DGLUCY: variants seen among roughly 807,000 people sequenced by gnomAD.
DGLUCY encodes D-glutamate cyclase, also known as D-glutamate cyclase, mitochondrial.
A neutral mutation model predicts 58.5 loss-of-function variants in DGLUCY; 58 were observed. That is an observed-to-expected ratio of 0.99 (90% CI 0.80 to 1.23). The LOEUF (loss-of-function observed/expected upper bound fraction) is 1.23. Ranked by LOEUF, DGLUCY falls within the 50% of genes most tolerant of loss-of-function variation. The probability of loss-of-function intolerance (pLI) is 0.00; values close to 1 mark genes in which losing one functional copy is unlikely to be tolerated. For synonymous variants in DGLUCY, 325 were observed against 314.1 expected, an observed-to-expected ratio of 1.03 and a Z score of -0.37; for missense variants, 779 against 784.7, an observed-to-expected ratio of 0.99 and a Z score of 0.09.
At chr14:91,112,054 G>A (rs192719751), upstream of DGLUCY, among the ~76,000 whole-genome samples, 313 of 151,542 alleles carry the variant, frequency 2.1e-3, no homozygotes, top group African/African-American at 6.9e-3. Flanking sequence ...CCTGACCAGC[G>A]TGGAGCAACC....
chr14:91,143,009 G>A (rs1461048701), intron 1 of DGLUCY, among the ~76,000 whole-genome samples: 1 of 121,240 alleles, frequency 8.2e-6, no homozygotes, highest in Non-Finnish European at 1.7e-5. Context: ...CAGCCTGGGT[G>A]ACACAGCGAG....
At chr14:91,082,938 G>T (rs2044151708) in intron 1 of DGLUCY, among the ~76,000 whole-genome samples, 1 of 152,046 alleles carries the variant, frequency 6.6e-6, no homozygotes, top group Non-Finnish European at 1.5e-5. Flanking sequence ...AATTTTTTTG[G>T]TAGAGATGGG....
intron 1 of DGLUCY, among the ~76,000 whole-genome samples, chr14:91,119,256 C>T (rs181052563): frequency 1.3e-3 from 198 of 152,276 alleles, no homozygotes; most frequent in African/African-American, 4.3e-3. Context: ...ACATCACCTT[C>T]ACCTTCTGTT....
intron 13 of DGLUCY, among the ~76,000 whole-genome samples, chr14:91,217,314 T>C (rs1595949770): frequency 6.6e-6 from 1 of 152,012 alleles, no homozygotes; most frequent in South Asian, 2.1e-4. Context: ...GCGTGGAAGG[T>C]CTGGGGAGAT....
intron 9 of DGLUCY, among the ~76,000 whole-genome samples, chr14:91,195,251 A>G (rs983839078): frequency 2.6e-5 from 4 of 152,212 alleles, no homozygotes; most frequent in Non-Finnish European, 5.9e-5. Flanking sequence ...ATCTTTGGCC[A>G]GTGACTATGC....
chr14:91,181,965 TTTTATTTATTTA>T (rs375449442), intron 8 of DGLUCY, among the ~76,000 whole-genome samples: 13 of 148,694 alleles, frequency 8.7e-5, no homozygotes, highest in African/African-American at 1.2e-4. Context: ...CTTTATGGCT[TTTTATTTATTTA>T]TTTATTTATT....
chr14:91,197,837 A>T (rs1400849926), intron 10 of DGLUCY, among the ~76,000 whole-genome samples: 1 of 152,224 alleles, frequency 6.6e-6, no homozygotes, highest in Non-Finnish European at 1.5e-5. Flanking sequence ...GCTATGCTGA[A>T]TACTGCTGCT....
At position 91,180,039 on chromosome 14, in the gene DGLUCY, A is replaced by G. The variant is rs145103177; in HGVS notation, c.731-1147A>G. The stretch of plus-strand genomic sequence containing the variant: ...CCCAAGTAGCTGGGATTACAGGCGC[A>G]CCACCAAGCTGGGCTAATTTTTGTA... On this transcript the variant is annotated intron_variant, in intron 7 of 13. Coordinates refer to ENST00000256324, the MANE Select transcript of DGLUCY (RefSeq NM_001102368.3). Among the ~76,000 whole-genome samples the G allele has an allele frequency of 3.2e-3, 474 of 150,342 alleles. 5 individuals are homozygous for G. Among genetic ancestry groups the G allele is most frequent in the African/African-American group, 0.011 (462 of 41,066 alleles).
chr14:91,146,208 G>A (rs2047004130), intron 1 of DGLUCY, among the ~76,000 whole-genome samples: 1 of 152,168 alleles, frequency 6.6e-6, no homozygotes, highest in Non-Finnish European at 1.5e-5. Flanking sequence ...TTTAACCTTC[G>A]AGAGGTTGCC....
upstream of DGLUCY, among the ~76,000 whole-genome samples, chr14:91,110,233 CT>C (rs899528662): frequency 6.6e-5 from 10 of 152,186 alleles, no homozygotes; most frequent in African/African-American, 2.2e-4. Context: ...AAGAAACCAA[CT>C]GTAAATATTA....
intron 13 of DGLUCY, among the ~76,000 whole-genome samples, chr14:91,218,761 T>C (rs1050864823): frequency 6.6e-6 from 1 of 152,122 alleles, no homozygotes; most frequent in African/African-American, 2.4e-5. Flanking sequence ...GCCCCGCCCC[T>C]GGGCCAGGCC....
At chr14:91,219,204 G>T (rs1481828839) in intron 13 of DGLUCY, among the ~76,000 whole-genome samples, 3 of 151,828 alleles carry the variant, frequency 2.0e-5, no homozygotes, top group African/African-American at 4.8e-5. Flanking sequence ...AAAAAATTTT[G>T]AAAAAAGCTT....
At chr14:91,079,062 C>T (rs1816011211) in intron 1 of DGLUCY, among the ~76,000 whole-genome samples, 1 of 151,912 alleles carries the variant, frequency 6.6e-6, no homozygotes, top group Non-Finnish European at 1.5e-5. Flanking sequence ...CGCCACCATG[C>T]CTGGCTCATT....
upstream of DGLUCY, among the ~76,000 whole-genome samples, chr14:91,105,938 A>G (rs552740344): frequency 3.9e-5 from 6 of 152,222 alleles, no homozygotes; most frequent in Non-Finnish European, 5.9e-5. Context: ...ACTGTAAGCA[A>G]TTGTAACACA....
At chr14:91,190,312 G>T (rs1015154806) in intron 9 of DGLUCY, among the ~76,000 whole-genome samples, 1 of 151,920 alleles carries the variant, frequency 6.6e-6, no homozygotes, top group South Asian at 2.1e-4. Flanking sequence ...AGATCCACCC[G>T]TGAGCAAAAC....
chr14:91,199,078 G>T (rs1316683435), intron 10 of DGLUCY, among the ~76,000 whole-genome samples: 34 of 152,076 alleles, frequency 2.2e-4, no homozygotes, highest in Admixed American at 2.2e-3. Flanking sequence ...ATCCTGGAAG[G>T]GGCCAGCAGC....
At chr14:91,136,956 C>T (rs578061195) in intron 1 of DGLUCY, among the ~76,000 whole-genome samples, 31 of 151,228 alleles carry the variant, frequency 2.0e-4, no homozygotes, top group Admixed American at 4.6e-4. Context: ...GCAACAAAAG[C>T]GAAACTTTGT....
At chr14:91,204,960 C>T (rs2140633145) in intron 12 of DGLUCY, 135 bp downstream of exon 12, 1 of 1,208,342 alleles carries the variant, frequency 8.3e-7, no homozygotes, top group East Asian at 2.5e-5. Context: ...GGAGGTGGTG[C>T]TCAGCCTATG....
At chr14:91,064,316 G>A (rs920254321) in intron 1 of DGLUCY, among the ~76,000 whole-genome samples, 1 of 152,102 alleles carries the variant, frequency 6.6e-6, no homozygotes, top group African/African-American at 2.4e-5. Context: ...GACATTTGAG[G>A]CCAGAGGTAC....
Sources: allele counts gnomAD v4.1 joint callset (sites outside exome capture counted in the v4.1 genomes callset), GRCh38; gene constraint gnomAD v4.1.1; transcripts MANE v1.5; gene names NCBI Gene and HGNC (gene_info 2026-07-23, HGNC 2026-07-21).